The following BRINP3 variants were observed in gnomAD, a reference collection of about 807,000 sequenced individuals.
BRINP3 encodes the protein BMP/retinoic acid-inducible neural-specific protein 3.
Under a neutral mutation model 71.0 loss-of-function variants are expected in BRINP3, and 19 were observed. The ratio of observed to expected loss-of-function variants is 0.27; its 90% CI spans 0.19 to 0.39. The LOEUF (loss-of-function observed/expected upper bound fraction) is 0.39. BRINP3 is among the 10% of genes least tolerant of loss of function. BRINP3 has a pLI of 1.00. For synonymous variants in BRINP3, 380 were observed against 337.7 expected, an observed-to-expected ratio of 1.13 and a Z score of -1.37; for missense variants, 959 against 940.8, an observed-to-expected ratio of 1.02 and a Z score of -0.25.
At chr1:190,229,095 G>T (rs939687040) in intron 5 of BRINP3, among the ~76,000 whole-genome samples, 1 of 152,018 alleles carries the variant, frequency 6.6e-6, no homozygotes. Flanking sequence ...AATGAAGTGA[G>T]AATTTCTGGG....
At chr1:190,161,761 A>G (rs568460025) in intron 6 of BRINP3, among the ~76,000 whole-genome samples, 42 of 152,312 alleles carry the variant, frequency 2.8e-4, no homozygotes, top group African/African-American at 9.9e-4. Flanking sequence ...ATATGAGCAT[A>G]TACAAAATGT....
intron 6 of BRINP3, among the ~76,000 whole-genome samples, chr1:190,208,091 G>A (rs1363319413): frequency 2.0e-5 from 3 of 151,942 alleles, no homozygotes; most frequent in South Asian, 2.1e-4. Flanking sequence ...AGGACTACAG[G>A]TAAGCACTAC....
chr1:190,468,438 G>A (rs1255556682), intron 1 of BRINP3, among the ~76,000 whole-genome samples: 1 of 151,102 alleles, frequency 6.6e-6, no homozygotes, highest in South Asian at 2.1e-4. Flanking sequence ...TCTTACAATT[G>A]TAATTTGTTG....
chr1:190,147,445 T>A (rs815339), intron 7 of BRINP3, among the ~76,000 whole-genome samples: 92,138 of 151,914 alleles, frequency 0.61, 29,400 homozygotes, highest in African/African-American at 0.83. Flanking sequence ...AGAACTAGAG[T>A]TTATAATATC....
intron 2 of BRINP3, among the ~76,000 whole-genome samples, chr1:190,328,808 G>A (rs1666777643): frequency 6.6e-6 from 1 of 150,412 alleles, no homozygotes; most frequent in Non-Finnish European, 1.5e-5. Flanking sequence ...TGAATCCAAC[G>A]ACACATGAAA....
chr1:190,414,959 T>C (rs1351317687), intron 2 of BRINP3, among the ~76,000 whole-genome samples: 1 of 152,242 alleles, frequency 6.6e-6, no homozygotes, highest in Non-Finnish European at 1.5e-5. Context: ...ACTCGGTCTG[T>C]TTCTATTCTT....
chr1:190,434,561 T>C (rs748270431), intron 2 of BRINP3, among the ~76,000 whole-genome samples: 3 of 151,972 alleles, frequency 2.0e-5, no homozygotes, highest in East Asian at 1.9e-4. Context: ...CATTACACTA[T>C]AGACATTAAA....
chr1:190,388,959 C>A (rs1671080511), intron 2 of BRINP3, among the ~76,000 whole-genome samples: 1 of 151,682 alleles, frequency 6.6e-6, no homozygotes, highest in African/African-American at 2.4e-5. Context: ...CACTTATTTA[C>A]TGAGCTTAAT....
At chr1:190,300,656 A>T (rs1057284836) in intron 2 of BRINP3, among the ~76,000 whole-genome samples, 1 of 152,026 alleles carries the variant, frequency 6.6e-6, no homozygotes. Flanking sequence ...GGCACCCCCC[A>T]GCAGGGGCAG....
intron 2 of BRINP3, among the ~76,000 whole-genome samples, chr1:190,376,605 T>C (rs981086764): frequency 6.6e-6 from 1 of 152,190 alleles, no homozygotes; most frequent in Non-Finnish European, 1.5e-5. Flanking sequence ...TACAAGTAAT[T>C]GTTAATTTGT....
chr1:190,163,445 A>C (rs1009249853), intron 6 of BRINP3, among the ~76,000 whole-genome samples: 28 of 152,148 alleles, frequency 1.8e-4, no homozygotes, highest in Non-Finnish European at 8.8e-5. Flanking sequence ...CTCTGTGTTA[A>C]GTATGTATCA....
chr1:190,296,952 T>A (rs1366273839), intron 2 of BRINP3, among the ~76,000 whole-genome samples: 1 of 152,124 alleles, frequency 6.6e-6, no homozygotes, highest in Non-Finnish European at 1.5e-5. Flanking sequence ...ATTAGAAGAA[T>A]TATTATTGTT....
intron 7 of BRINP3, among the ~76,000 whole-genome samples, chr1:190,112,412 C>T (rs1652772067): frequency 1.3e-5 from 2 of 152,098 alleles, no homozygotes; most frequent in Admixed American, 6.6e-5. Flanking sequence ...TGAAATGAGA[C>T]TGAAATCACT....
intron 3 of BRINP3, among the ~76,000 whole-genome samples, chr1:190,277,139 T>A (rs1311744092): frequency 4.3e-5 from 3 of 70,104 alleles, no homozygotes; most frequent in Non-Finnish European, 1.0e-4. Context: ...AAAAGAAAAC[T>A]TTTTCCCTGC....
chr1:190,166,182 T>C (rs1651519231), intron 6 of BRINP3, among the ~76,000 whole-genome samples: 1 of 152,124 alleles, frequency 6.6e-6, no homozygotes, highest in South Asian at 2.1e-4. Flanking sequence ...CTGCATAAAG[T>C]AAATGGCAAG....
chr1:190,197,521 C>A (rs1047435179), intron 6 of BRINP3, among the ~76,000 whole-genome samples: 1 of 152,182 alleles, frequency 6.6e-6, no homozygotes, highest in African/African-American at 2.4e-5. Flanking sequence ...TGGGTAAATA[C>A]AGCCATTCCA....
At chr1:190,197,428 G>A (rs190608154) in intron 6 of BRINP3, among the ~76,000 whole-genome samples, 1 of 152,224 alleles carries the variant, frequency 6.6e-6, no homozygotes, top group East Asian at 1.9e-4. Context: ...CTCACCTGAA[G>A]CAAGGCAATT....
In BRINP3 at chr1:190,160,885, A is replaced by T; in HGVS notation, c.967T>A (p.Phe323Ile). Reference protein sequence around the residue: ...YNSDFEESDEFKLFMKRLPMN... With the variant: ...YNSDFEESDEIKLFMKRLPMN... ...GGTAGCCTTTTCATAAATAACTTGA[A>T]TTCATCTGAAAAATGTCAAAATTCA... The change falls in exon 7 of 8, where the codon TTC becomes ATC. Residue 323 changes from phenylalanine to isoleucine, a missense_variant. Physicochemically the swap from Phe to Ile is conservative, Grantham distance 21 (BLOSUM62 0). Coordinates refer to ENST00000367462, the MANE Select transcript of BRINP3 (RefSeq NM_199051.3). 1 of 1,590,564 alleles carries T rather than the reference A, an allele frequency of 6.3e-7. No homozygotes were observed. Among genetic ancestry groups the T allele is most frequent in the South Asian group, 1.1e-5 (1 of 87,372 alleles).
intron 2 of BRINP3, among the ~76,000 whole-genome samples, chr1:190,371,791 A>G (rs1669884185): frequency 6.6e-6 from 1 of 152,174 alleles, no homozygotes; most frequent in African/African-American, 2.4e-5. Flanking sequence ...AACGATATCA[A>G]TTATTTTAAT....
Sources: allele counts gnomAD v4.1 joint callset (sites outside exome capture counted in the v4.1 genomes callset), GRCh38; gene constraint gnomAD v4.1.1; transcripts MANE v1.5; gene names NCBI Gene and HGNC (gene_info 2026-07-23, HGNC 2026-07-21).